LRWD1: variants seen among roughly 807,000 people sequenced by gnomAD.
The protein encoded by LRWD1 is leucine rich repeats and WD repeat domain containing 1.
In LRWD1, 76 loss-of-function variants were observed where a neutral mutation model predicts 75.6. The ratio of observed to expected loss-of-function variants is 1.01; its 90% CI spans 0.84 to 1.22. LRWD1 has a LOEUF of 1.22. Among genes scored for constraint, LRWD1 ranks in the 50% most tolerant of loss-of-function variants. The pLI is 0.00. For synonymous variants in LRWD1, 487 were observed against 377.0 expected (o/e 1.29, Z -3.38); for missense variants, 917 against 862.0 (o/e 1.06, Z -0.80).
intron 5 of LRWD1, 117 bp from the exon 6 acceptor site, chr7:102,467,945 G>C (rs774055864): frequency 1.5e-5 from 23 of 1,506,450 alleles, no homozygotes; most frequent in Non-Finnish European, 2.0e-5. Flanking sequence ...TCACTCCCTA[G>C]GTGACCCCGG....
At position 102,467,480 on chromosome 7, in the gene LRWD1, G is replaced by A. The variant is rs2133265918; in HGVS notation, c.573+1G>A. 3 of 1,612,440 alleles carry A rather than the reference G, an allele frequency of 1.9e-6. No individual in the cohort carries two copies. The highest frequency in any genetic ancestry group is 2.5e-6 in the Non-Finnish European group (3 of 1,179,896). On this transcript the variant is annotated splice_donor_variant, in intron 4 of 14. Coordinates refer to ENST00000292616, the MANE Select transcript of LRWD1 (RefSeq NM_152892.3). LOFTEE classifies it high-confidence loss of function. ...CCTCAGCGAGTTCACCCAGTGGCGG[G>A]TATGTCCCTGTCCCAATGTGCAGGG...
At position 102,472,328 on chromosome 7, in the gene LRWD1, T is replaced by TG; in HGVS notation, c.1534+22dup. On this transcript the variant is annotated intron_variant, in intron 12 of 14. Coordinates refer to ENST00000292616, the MANE Select transcript of LRWD1 (RefSeq NM_152892.3). ...ATCGTGGGTGAGTGAGCTCAGCTTG[T>TG]GGGACAGCCTGGCCTCCGGGCACAC... 6.4e-7 allele frequency: 1 copy of TG among 1,558,970 alleles called. No individual in the cohort carries two copies. Among genetic ancestry groups the TG allele is most frequent in the South Asian group, 1.2e-5 (1 of 84,864 alleles).
At chr7:102,467,858 A>G in intron 5 of LRWD1, 35 bp downstream of exon 5, 1 of 1,543,414 alleles carries the variant, frequency 6.5e-7, no homozygotes, top group Non-Finnish European at 8.8e-7. Context: ...AGGCCAGCCC[A>G]GTCCCTCCTC....
intron 1 of LRWD1, 176 bp from the exon 2 acceptor site, chr7:102,465,641 G>A: frequency 6.6e-6 from 4 of 602,020 alleles, no homozygotes; most frequent in Non-Finnish European, 1.2e-5. Context: ...AGCTATGATC[G>A]CGCCTAGGCG....
At position 102,466,402 on chromosome 7, in the gene LRWD1, A is replaced by T. The variant is rs1797979675; in HGVS notation, c.432+132A>T. The T allele has an allele frequency of 7.6e-6, 5 of 655,256 alleles. No individual in the cohort carries two copies. In the South Asian group the frequency reaches 7.7e-5, roughly 10 times the overall value. 40.6% of individuals were successfully genotyped at this position (655,256 alleles called of 1,614,324 possible). A position where few individuals can be genotyped will look rare whatever the true frequency, so the allele number is the denominator to read the frequency against. ...CTTTGCCCCAACAGCCCCTAGCCTG[A>T]TGTGCTACTTTATTTATTTATTTAT... On this transcript the variant is annotated intron_variant, in intron 3 of 14. Coordinates refer to ENST00000292616, the MANE Select transcript of LRWD1 (RefSeq NM_152892.3).
Position 102,467,759 on chromosome 7 carries a change from C to T in LRWD1, c.614C>T (p.Thr205Ile). Residue 205 changes from threonine (T) to isoleucine (I), a missense_variant, in exon 5 of 15, where the codon ACC (threonine) becomes ATC (isoleucine). Transcript: ENST00000292616. ...GAGGAGCTGGTGGCCGCCAGTAGGA[C>T]CCAGGTGCAAAAGGCTAACAGCCCA... is the stretch of plus-strand genomic sequence containing the variant. ...ISEELVAASR[T>I]QVQKANSPEK... 1.9e-6 allele frequency: 3 copies of T among 1,552,050 alleles called. No individual in the cohort carries two copies. The highest frequency in any genetic ancestry group is 1.4e-5 in the African/African-American group (1 of 73,212).
chr7:102,471,476 G>A lies in LRWD1; in HGVS notation c.1443-742G>A, dbSNP rs115101071. ...GGGCCTTGGCGGCAGAGGTGGTGGC[G>A]GCGGTAGTTATGGGCTTCTCTTTCT... On this transcript the variant is annotated intron_variant, in intron 11 of 14. Coordinates refer to ENST00000292616, the MANE Select transcript of LRWD1 (RefSeq NM_152892.3). The A allele has an allele frequency of 9.6e-3, 1,482 of 154,690 alleles. 29 individuals carry two copies. Among genetic ancestry groups the A allele is most frequent in the African/African-American group, 0.033 (1,390 of 41,644 alleles). The allele number at this position is 154,690 out of a possible 1,614,324, so 9.6% of individuals were successfully genotyped here.
chr7:102,467,978 C>A, intron 5 of LRWD1, 84 bp from the exon 6 acceptor site: 5 of 1,548,818 alleles, frequency 3.2e-6, no homozygotes, highest in Admixed American at 1.9e-5. Flanking sequence ...CTCCTGCATC[C>A]GCAGTGAGGT....
rs776399003 is a variant in LRWD1 at position 102,472,513 on chromosome 7, G to A, written c.1594G>A (p.Gly532Ser). ...CLWSWRQTWG[G>S]RGSQSTVAVV... ...GTGGAGCTGGAGGCAGACGTGGGGG[G>A]GCCGGGGCAGCCAGTCCACGGTGGC... Residue 532 changes from glycine to serine, a missense_variant, in exon 13 of 15, where the codon GGC becomes AGC. By Grantham distance (56) the Gly-to-Ser change is moderately conservative. Transcript: ENST00000292616. The A allele has an allele frequency of 9.0e-6, 14 of 1,557,458 alleles. No homozygotes were observed. Among genetic ancestry groups the A allele is most frequent in the East Asian group, 2.4e-5 (1 of 41,998 alleles).
Position 102,469,090 on chromosome 7 carries a change from C to T in LRWD1, c.1228+28C>T, listed in dbSNP as rs764017068. On this transcript the variant is annotated intron_variant, in intron 9 of 14. Transcript: ENST00000292616. ...AAGCCCCTCCCCTTCACCCCTGGGA[C>T]CCCCAAGCACCCCTGTCCTGCTGCC... 1.9e-6 allele frequency: 3 copies of T among 1,544,608 alleles called. No homozygotes were observed. The Admixed American group carries it at 5.7e-5, about 29-fold the overall frequency.
chr7:102,468,737 C>G, intron 8 of LRWD1, 83 bp downstream of exon 8: 1 of 1,520,876 alleles, frequency 6.6e-7, no homozygotes, highest in South Asian at 1.2e-5. Context: ...GCAGGCTCGG[C>G]CCCCTGCCCC....
rs1428371304 is a variant in LRWD1, at chr7:102,466,082, C to G, written c.315+31C>G. On this transcript the variant is annotated intron_variant, in intron 2 of 14. Coordinates refer to ENST00000292616, the MANE Select transcript of LRWD1 (RefSeq NM_152892.3). ...TGGGAGCCTCCCACCAGCTTCATAC[C>G]TGGGGCCAGGACTCTGTTGGGCTCA... The G allele has an allele frequency of 2.5e-6, 4 of 1,613,380 alleles. No homozygotes were observed. The South Asian group carries it at 4.4e-5, about 18-fold the overall frequency.
rs549304751 is a variant in LRWD1, at chr7:102,473,118, G to A, written c.*69G>A. The stretch of plus-strand genomic sequence containing the variant: ...ATTCAGCTTTGGGCCGATGGGGGTG[G>A]GGGGGGGTCTTTCAGTGAATATTTT... On this transcript the variant is annotated 3_prime_UTR_variant, in exon 15 of 15. Transcript: ENST00000292616. 11 of 1,313,968 alleles carry A rather than the reference G, an allele frequency of 8.4e-6. No homozygotes were observed. In the Admixed American group the frequency reaches 8.9e-5, roughly 11 times the overall value. The allele number at this position is 1,313,968 out of a possible 1,614,324, so 81.4% of individuals were successfully genotyped here.
chr7:102,468,740 C>G (rs1383651150), intron 8 of LRWD1, 86 bp downstream of exon 8: 1 of 1,526,802 alleles, frequency 6.5e-7, no homozygotes, highest in African/African-American at 1.4e-5. Flanking sequence ...GGCTCGGCCC[C>G]CTGCCCCATG....
At chr7:102,468,005 T>C in intron 5 of LRWD1, 57 bp from the exon 6 acceptor site, 4 of 1,583,876 alleles carry the variant, frequency 2.5e-6, no homozygotes, top group Non-Finnish European at 3.4e-6. Context: ...CAGCCTGTGA[T>C]GGGGAGGAAG....
intron 5 of LRWD1, 81 bp downstream of exon 5, chr7:102,467,904 C>A: frequency 6.6e-7 from 1 of 1,509,146 alleles, no homozygotes; most frequent in Non-Finnish European, 8.9e-7. Context: ...GCGTCCTGGG[C>A]ATGTGCCCAG....
chr7:102,472,827 C>T lies in LRWD1; in HGVS notation c.1803+23C>T, dbSNP rs750183923. The T allele has an allele frequency of 1.1e-4, 170 of 1,612,262 alleles. 1 individual carries two copies. Among genetic ancestry groups the T allele is most frequent in the Non-Finnish European group, 1.4e-4 (169 of 1,179,218 alleles). On this transcript the variant is annotated intron_variant, in intron 14 of 14. Coordinates refer to ENST00000292616, the MANE Select transcript of LRWD1 (RefSeq NM_152892.3). ...CAGGTACTGCCCGGCTCACCCTGCC[C>T]AGGCTTGGGCTGGCAAGGCATCAGG...
chr7:102,469,426 A>G (rs1270590366), intron 9 of LRWD1, 148 bp from the exon 10 acceptor site: 11 of 852,886 alleles, frequency 1.3e-5, no homozygotes, highest in African/African-American at 1.0e-4. Flanking sequence ...TTGGGGGCCC[A>G]GGAGTGTTCC....
chr7:102,471,029 T>C (rs1325573883), intron 11 of LRWD1: 1 of 152,116 alleles, frequency 6.6e-6, no homozygotes, highest in Non-Finnish European at 1.5e-5. Flanking sequence ...CCCCACCGGG[T>C]TCAAGCAATT....
Sources: allele counts gnomAD v4.1 joint callset, GRCh38; gene constraint gnomAD v4.1.1; transcripts MANE v1.5; gene names NCBI Gene and HGNC (gene_info 2026-07-23, HGNC 2026-07-21).